ERC1: variants seen among roughly 807,000 people sequenced by gnomAD.
ERC1 encodes ELKS/RAB6-interacting/CAST family member 1.
In ERC1, 56 loss-of-function variants were observed where a neutral mutation model predicts 132.0. The observed-to-expected ratio is 0.42, with a 90% confidence interval of 0.34 to 0.53. The LOEUF is 0.53. Ranked by LOEUF, ERC1 falls within the 20% of genes least tolerant of loss-of-function variation. The pLI, the probability that ERC1 is intolerant of heterozygous loss-of-function variation, is 0.03. For synonymous variants in ERC1, 478 were observed against 476.1 expected, an observed-to-expected ratio of 1.00 and a Z score of -0.05; for missense variants, 1,202 against 1,349.9, an observed-to-expected ratio of 0.89 and a Z score of 1.72.
intron 8 of ERC1, among the ~76,000 whole-genome samples, chr12:1,159,086 A>G (rs1332159321): frequency 1.3e-5 from 2 of 152,208 alleles, no homozygotes; most frequent in African/African-American, 4.8e-5. Context: ...TGGCAAATAA[A>G]TATGAGAAAA....
At chr12:1,240,522 C>T (rs1448776002) in intron 13 of ERC1, among the ~76,000 whole-genome samples, 1 of 152,146 alleles carries the variant, frequency 6.6e-6, no homozygotes, top group Non-Finnish European at 1.5e-5. Context: ...ATTTGCGTAG[C>T]CCTGGAGTGG....
At chr12:1,050,311 G>A (rs780627631) in intron 2 of ERC1, among the ~76,000 whole-genome samples, 1 of 152,206 alleles carries the variant, frequency 6.6e-6, no homozygotes, top group Non-Finnish European at 1.5e-5. Context: ...GTGAGACAGG[G>A]AAGTGGTGGT....
intron 2 of ERC1, among the ~76,000 whole-genome samples, chr12:1,065,728 A>G (rs577146694): frequency 4.9e-4 from 74 of 151,862 alleles, no homozygotes; most frequent in African/African-American, 1.5e-3. Context: ...GCTCCTTCCA[A>G]TTTTATGGAG....
chr12:1,337,135 T>A (rs1003813142), intron 15 of ERC1, among the ~76,000 whole-genome samples: 1 of 152,140 alleles, frequency 6.6e-6, no homozygotes, highest in Non-Finnish European at 1.5e-5. Context: ...GATCTAATAC[T>A]GTTAGTGGGG....
At chr12:1,439,425 G>A (rs2093040393) in intron 17 of ERC1, among the ~76,000 whole-genome samples, 1 of 152,198 alleles carries the variant, frequency 6.6e-6, no homozygotes, top group African/African-American at 2.4e-5. Flanking sequence ...GGCCTCTGAA[G>A]CCTGTTTGAG....
At chr12:1,145,121 A>G (rs544867120) in intron 8 of ERC1, among the ~76,000 whole-genome samples, 76 of 151,892 alleles carry the variant, frequency 5.0e-4, no homozygotes, top group Admixed American at 2.6e-4. Context: ...GGTTCAAGCA[A>G]TTCTCCTACC....
chr12:1,006,237 A>G lies in ERC1; in HGVS notation c.-157+14915A>G, dbSNP rs1039275540. On this transcript the variant is annotated intron_variant, in intron 1 of 18. Transcript: ENST00000360905. ...CTCCCAAAGTGCTGGGATTACAGGC[A>G]TGAACCACTGCACCTGGCCAGTATT... is the stretch of plus-strand genomic sequence containing the variant. 1.8e-4 allele frequency among the ~76,000 whole-genome samples: 28 copies of G among 152,124 alleles called. No homozygotes were observed. The Middle Eastern group carries it at 0.01, about 55-fold the overall frequency.
At chr12:1,237,039 C>A in intron 13 of ERC1, 135 bp downstream of exon 13, 1 of 1,037,432 alleles carries the variant, frequency 9.6e-7, no homozygotes, top group Non-Finnish European at 1.4e-6. Flanking sequence ...CTCAGACCAA[C>A]TGTTTAGCAA....
intron 8 of ERC1, among the ~76,000 whole-genome samples, chr12:1,168,332 T>C (rs61914300): frequency 0.26 from 39,130 of 151,878 alleles, 5,281 homozygotes; most frequent in Middle Eastern, 0.3. Flanking sequence ...CCATGTTGCT[T>C]AGGCTAGTCT....
intron 3 of ERC1, among the ~76,000 whole-genome samples, chr12:1,084,186 C>CGAAAAG (rs1942639336): frequency 1.3e-5 from 2 of 152,066 alleles, no homozygotes; most frequent in African/African-American, 4.8e-5. Flanking sequence ...TTTTACTTTT[C>CGAAAAG]TAAATAATGT....
At chr12:1,288,390 C>T (rs955698729) in intron 14 of ERC1, among the ~76,000 whole-genome samples, 3 of 152,226 alleles carry the variant, frequency 2.0e-5, no homozygotes, top group African/African-American at 7.2e-5. Context: ...GCTGAGATTA[C>T]AGGCACGAGC....
At chr12:1,115,845 A>T in intron 6 of ERC1, 21 bp from the exon 7 acceptor site, 1 of 1,603,384 alleles carries the variant, frequency 6.2e-7, no homozygotes, top group Non-Finnish European at 8.5e-7. Flanking sequence ...TTTTCCTTAA[A>T]GTGTTTTACT....
chr12:1,442,684 A>G (rs956802767), intron 17 of ERC1, among the ~76,000 whole-genome samples: 1 of 152,226 alleles, frequency 6.6e-6, no homozygotes, highest in Admixed American at 6.5e-5. Flanking sequence ...ATTTCCTGGA[A>G]ATAGTATTAG....
chr12:1,035,176 C>A (rs1039121002), intron 2 of ERC1, among the ~76,000 whole-genome samples: 2 of 152,194 alleles, frequency 1.3e-5, no homozygotes, highest in Non-Finnish European at 2.9e-5. Context: ...ATTCATTATA[C>A]CCTCCATAGC....
At chr12:1,112,390 T>A (rs773565820) in intron 6 of ERC1, 92 bp downstream of exon 6, 107 of 869,830 alleles carry the variant, frequency 1.2e-4, no homozygotes, top group Non-Finnish European at 1.8e-4. Flanking sequence ...ACCCTTTCAT[T>A]CTCTATGGTT....
chr12:1,214,902 G>A (rs1958252735), intron 12 of ERC1, among the ~76,000 whole-genome samples: 2 of 152,158 alleles, frequency 1.3e-5, no homozygotes. Context: ...ATAATGAATA[G>A]TGAACCAGCA....
At chr12:991,174 TGGGGGCGGGGCTAGGTGTCTCGCGCA>T (rs1255300887), upstream of ERC1, 61 of 148,624 alleles carry the variant, frequency 4.1e-4, no homozygotes, top group African/African-American at 1.5e-3. Context: ...GCGGCGGGGC[TGGGGGCGGGGCTAGGTGTCTCGCGCA>T]GGGGGCGGGG....
intron 1 of ERC1, among the ~76,000 whole-genome samples, chr12:1,017,343 GTAGTGAATTGA>G (rs1965683680): frequency 6.6e-6 from 1 of 152,076 alleles, no homozygotes; most frequent in Non-Finnish European, 1.5e-5. Flanking sequence ...GATGTGAATA[GTAGTGAATTGA>G]TAGTGAAACT....
chr12:1,384,798 G>A (rs943598233), intron 16 of ERC1, among the ~76,000 whole-genome samples: 6 of 152,064 alleles, frequency 3.9e-5, no homozygotes, highest in African/African-American at 1.4e-4. Context: ...TAAAGTTTAT[G>A]GTATTGCCAG....
Sources: gnomAD v4.1 joint callset for allele counts (sites outside exome capture counted in the v4.1 genomes callset) on GRCh38, gnomAD v4.1.1 for gene constraint, MANE v1.5 for transcripts, NCBI Gene and HGNC (gene_info 2026-07-23, HGNC 2026-07-21) for gene names.